Variants in STS observed in about 807,000 individuals in gnomAD.
The protein encoded by STS is steryl-sulfatase.
In STS, 7 loss-of-function variants were observed where a neutral mutation model predicts 26.8. The observed-to-expected ratio is 0.26, with a 90% confidence interval of 0.15 to 0.49. The LOEUF (loss-of-function observed/expected upper bound fraction) is 0.49. Ranked by LOEUF, STS falls within the 20% of genes least tolerant of loss-of-function variation. STS has a pLI of 0.98. For synonymous variants in STS, 199 were observed against 189.4 expected (o/e 1.05, Z -0.42); for missense variants, 434 against 465.6 (o/e 0.93, Z 0.63).
chrX:7,164,295 T>A (rs748473735), intron 1 of STS, among the ~76,000 whole-genome samples: 1 of 112,198 alleles, frequency 8.9e-6, no homozygotes, highest in Non-Finnish European at 1.9e-5. Flanking sequence ...GGCCTGAGAA[T>A]GTAATTGCAA....
intron 2 of STS, among the ~76,000 whole-genome samples, chrX:7,244,645 T>G (rs1922779473): frequency 9.0e-6 from 1 of 111,416 alleles, no homozygotes; most frequent in South Asian, 3.8e-4. Context: ...ATTTGTTATT[T>G]CACAACTAGG....
chrX:7,333,848 T>C (rs760454173), intron 9 of STS, 138 bp from the exon 10 acceptor site: 1 of 824,681 alleles, frequency 1.2e-6, no homozygotes, highest in South Asian at 2.2e-5. Context: ...ATCAGTGTGT[T>C]GCACAGGGCA....
At chrX:7,279,012 TGGG>T (rs1249190590) in intron 7 of STS, among the ~76,000 whole-genome samples, 1 of 110,914 alleles carries the variant, frequency 9.0e-6, no homozygotes, top group African/African-American at 3.3e-5. Flanking sequence ...ACAGAAAGGT[TGGG>T]GGCTTGGGCC....
intron 8 of STS, among the ~76,000 whole-genome samples, chrX:7,324,198 A>G (rs5933853): frequency 0.25 from 27,636 of 109,657 alleles, 2,585 homozygotes; most frequent in East Asian, 0.4. Context: ...TTCAGGTCAT[A>G]GGTGGACTCA....
intron 1 of STS, among the ~76,000 whole-genome samples, chrX:7,151,450 C>T (rs1404782606): frequency 9.0e-6 from 1 of 111,708 alleles, no homozygotes; most frequent in Non-Finnish European, 1.9e-5. Flanking sequence ...TCATTGCAGA[C>T]TTACCTGCCT....
At chrX:7,191,153 A>G (rs1350068551) in intron 2 of STS, 145 bp downstream of exon 2, 7 of 200,842 alleles carry the variant, frequency 3.5e-5, no homozygotes, top group Non-Finnish European at 5.2e-5. Context: ...CAGGGATGAC[A>G]TACACATGGT....
intron 2 of STS, among the ~76,000 whole-genome samples, chrX:7,192,563 CAA>C (rs58572921): frequency 2.2e-5 from 2 of 89,419 alleles, no homozygotes. Flanking sequence ...GACTCCATCT[CAA>C]AAAAAAAAAA....
At chrX:7,264,529 A>G (rs1433799427) in intron 6 of STS, among the ~76,000 whole-genome samples, 1 of 111,446 alleles carries the variant, frequency 9.0e-6, no homozygotes, top group Non-Finnish European at 1.9e-5. Context: ...GATCACTATG[A>G]CTTCCTGCAG....
chrX:7,239,511 A>C (rs1189984038), intron 2 of STS, among the ~76,000 whole-genome samples: 1 of 112,195 alleles, frequency 8.9e-6, no homozygotes, highest in African/African-American at 3.2e-5. Flanking sequence ...AACAAATTTA[A>C]TATAATTACA....
At chrX:7,253,385 C>T in intron 3 of STS, 49 bp downstream of exon 3, 2 of 1,200,856 alleles carry the variant, frequency 1.7e-6, no homozygotes, top group African/African-American at 1.7e-5. Flanking sequence ...TCATAGGCAA[C>T]AGTCCCCGGG....
chrX:7,163,599 TCTC>T (rs1324350658), intron 1 of STS, among the ~76,000 whole-genome samples: 1 of 112,364 alleles, frequency 8.9e-6, no homozygotes, highest in East Asian at 2.8e-4. Context: ...GTACCTGACT[TCTC>T]AGCCCACAGG....
At chrX:7,227,038 G>A (rs990654638) in intron 2 of STS, among the ~76,000 whole-genome samples, 1 of 112,025 alleles carries the variant, frequency 8.9e-6, no homozygotes, top group Non-Finnish European at 1.9e-5. Context: ...TCACTTCTCT[G>A]ATTACTAATC....
chrX:7,272,857 A>T (rs1237357970), intron 6 of STS, among the ~76,000 whole-genome samples: 6 of 111,388 alleles, frequency 5.4e-5, no homozygotes, highest in African/African-American at 2.0e-4. Flanking sequence ...ATAAAAATTG[A>T]ATCTCCGGGC....
intron 1 of STS, among the ~76,000 whole-genome samples, chrX:7,182,795 A>C (rs1396576036): frequency 3.6e-5 from 4 of 111,279 alleles, no homozygotes; most frequent in African/African-American, 1.3e-4. Context: ...GGGACCTTAC[A>C]GAAGGGACCT....
chrX:7,345,092 T>C (rs1928465939), intron 10 of STS, among the ~76,000 whole-genome samples: 1 of 111,089 alleles, frequency 9.0e-6, no homozygotes, highest in African/African-American at 3.3e-5. Flanking sequence ...GAATGAGGCC[T>C]TCGAGGACGT....
intron 1 of STS, among the ~76,000 whole-genome samples, chrX:7,168,624 C>G: frequency 9.0e-6 from 1 of 111,577 alleles, no homozygotes; most frequent in South Asian, 3.8e-4. Flanking sequence ...AATTCTTCCT[C>G]TGCTGCCCTG....
At chrX:7,289,379 C>G (rs1159978400) in intron 7 of STS, among the ~76,000 whole-genome samples, 1 of 111,527 alleles carries the variant, frequency 9.0e-6, no homozygotes. Context: ...ACTGTACCCT[C>G]CAAGAGCTAT....
At chrX:7,202,810 C>T (rs1177309901) in intron 2 of STS, among the ~76,000 whole-genome samples, 2 of 110,951 alleles carry the variant, frequency 1.8e-5, no homozygotes, top group Admixed American at 9.6e-5. Flanking sequence ...TGGCAACATC[C>T]AATCAGCTGG....
chrX:7,215,920 C>G (rs1234769435), intron 2 of STS, among the ~76,000 whole-genome samples: 1 of 111,866 alleles, frequency 8.9e-6, no homozygotes, highest in Non-Finnish European at 1.9e-5. Context: ...TTCCATGTGT[C>G]TCTTCTTTTC....
Sources: allele counts gnomAD v4.1 joint callset (sites outside exome capture counted in the v4.1 genomes callset), GRCh38; gene constraint gnomAD v4.1.1; transcripts MANE v1.5; gene names NCBI Gene and HGNC (gene_info 2026-07-23, HGNC 2026-07-21).